Variants in DYM observed in about 807,000 individuals in gnomAD.
DYM encodes dymeclin, also known as dyggve-Melchior-Clausen syndrome protein.
A neutral mutation model predicts 93.1 loss-of-function variants in DYM; 78 were observed. The ratio of observed to expected loss-of-function variants is 0.84; its 90% CI spans 0.70 to 1.01. DYM has a LOEUF of 1.01. Among genes scored for constraint, DYM ranks in the 50% least tolerant of loss-of-function variants. The pLI, the probability that DYM is intolerant of heterozygous loss-of-function variation, is 0.00. For missense variants in DYM, 789 were observed against 845.0 expected (o/e 0.93, Z 0.82); for synonymous variants, 321 against 319.7 (o/e 1.00, Z -0.04).
chr18:49,157,997 TG>T (rs2086643930), intron 15 of DYM, among the ~76,000 whole-genome samples: 1 of 152,246 alleles, frequency 6.6e-6, no homozygotes, highest in African/African-American at 2.4e-5. Context: ...GACACTGTGC[TG>T]GATACAAACA....
At chr18:49,119,216 T>C (rs2082165125) in intron 15 of DYM, among the ~76,000 whole-genome samples, 1 of 152,358 alleles carries the variant, frequency 6.6e-6, no homozygotes, top group Non-Finnish European at 1.5e-5. Context: ...CAGCTCCTCA[T>C]TTAATAGATC....
At chr18:49,354,276 T>C (rs2065359128) in intron 6 of DYM, among the ~76,000 whole-genome samples, 1 of 152,082 alleles carries the variant, frequency 6.6e-6, no homozygotes, top group Non-Finnish European at 1.5e-5. Flanking sequence ...AACGATAAAA[T>C]AGGAGAAAAT....
At chr18:49,294,880 A>G (rs2060423227) in intron 8 of DYM, among the ~76,000 whole-genome samples, 2 of 152,210 alleles carry the variant, frequency 1.3e-5, no homozygotes. Flanking sequence ...ATACTGATAC[A>G]AACCATATAC....
rs568947154 is a variant in DYM at position 49,083,572 on chromosome 18, G to T, written c.2025+13830C>A. The stretch of plus-strand genomic sequence containing the variant: ...TACTCTAGTTTCTGAAAGAGTCTGT[G>T]TAGGATTCACATTATTTCTTTGCAA... On this transcript the variant is annotated intron_variant, in intron 17 of 17. Transcript: ENST00000675505. 6.6e-5 allele frequency among the ~76,000 whole-genome samples: 10 copies of T among 152,300 alleles called. No homozygotes were observed. The Middle Eastern group carries it at 0.01, about 155-fold the overall frequency.
rs966592639 is a variant in DYM at position 49,363,083 on chromosome 18, C to T, written c.494+78G>A. Reference sequence around the variant, plus strand: ...CATATAAGTTCTATACAAGGACCCACAAACTTCTCAACATGATCAATGATT... The same window carrying T: ...CATATAAGTTCTATACAAGGACCCATAAACTTCTCAACATGATCAATGATT... On this transcript the variant is annotated intron_variant, in intron 6 of 17. Coordinates refer to ENST00000675505, the MANE Select transcript of DYM (RefSeq NM_001353214.3). The T allele has an allele frequency of 4.9e-6, 6 of 1,224,604 alleles. No individual in the cohort carries two copies. The African/African-American group carries it at 8.9e-5, about 18-fold the overall frequency. The allele number at this position is 1,224,604 out of a possible 1,614,324, so 75.9% of individuals were successfully genotyped here.
intron 1 of DYM, among the ~76,000 whole-genome samples, chr18:49,458,926 C>A (rs1223263177): frequency 6.6e-6 from 1 of 152,132 alleles, no homozygotes; most frequent in African/African-American, 2.4e-5. Flanking sequence ...CTATGATTTG[C>A]TTTAAAATAA....
At chr18:49,224,114 A>G (rs963180865) in intron 13 of DYM, among the ~76,000 whole-genome samples, 1 of 152,086 alleles carries the variant, frequency 6.6e-6, no homozygotes, top group African/African-American at 2.4e-5. Context: ...GGTTGCTGAC[A>G]AGACTTGGTA....
intron 1 of DYM, among the ~76,000 whole-genome samples, chr18:49,435,423 TAAA>T (rs58887917): frequency 0.021 from 2,670 of 124,738 alleles, 25 homozygotes; most frequent in South Asian, 0.055. Flanking sequence ...ACTAAAACAG[TAAA>T]AAAAAAAAAA....
chr18:49,419,433 C>A (rs2073381843), intron 2 of DYM, among the ~76,000 whole-genome samples: 1 of 151,654 alleles, frequency 6.6e-6, no homozygotes, highest in African/African-American at 2.4e-5. Context: ...ACTATAAAGC[C>A]ATAATAACTT....
In DYM at chr18:49,243,689, G is replaced by GA. The variant is rs567960298; in HGVS notation, c.1460+13320dup. ...CTCAAAAAAAAAAAAAAAGAAAAAA[G>GA]AAAAAAAAAATCATTGCTAGAACCA... On this transcript the variant is annotated intron_variant, in intron 13 of 17. Transcript: ENST00000675505. Among the ~76,000 whole-genome samples, 203 of 141,206 alleles carry GA rather than the reference G, an allele frequency of 1.4e-3. 1 individual carries two copies. Among genetic ancestry groups the GA allele is most frequent in the South Asian group, 4.8e-3 (21 of 4,410 alleles). 92.6% of individuals were successfully genotyped at this position (141,206 alleles called of 152,430 possible). A position where few individuals can be genotyped will look rare whatever the true frequency, so the allele number is the denominator to read the frequency against.
At chr18:49,417,560 C>G (rs905933638) in intron 2 of DYM, among the ~76,000 whole-genome samples, 1 of 151,248 alleles carries the variant, frequency 6.6e-6, no homozygotes, top group East Asian at 2.0e-4. Context: ...TATGCCCCCC[C>G]ATTAAAAAGA....
At chr18:49,286,971 C>A (rs1568174661) in intron 8 of DYM, among the ~76,000 whole-genome samples, 1 of 152,062 alleles carries the variant, frequency 6.6e-6, no homozygotes, top group Non-Finnish European at 1.5e-5. Context: ...GGCAGGTGGA[C>A]CAAGAGGTCA....
At position 49,378,663 on chromosome 18, in the gene DYM, TAAAC is replaced by T; in HGVS notation, c.321_324del (p.Phe108LeufsTer6). 1 of 1,613,340 alleles carries T rather than the reference TAAAC, an allele frequency of 6.2e-7. No individual in the cohort carries two copies. Among genetic ancestry groups the T allele is most frequent in the Non-Finnish European group, 8.5e-7 (1 of 1,179,550 alleles). On this transcript the variant is annotated frameshift_variant, in exon 5 of 18. Coordinates refer to ENST00000675505, the MANE Select transcript of DYM (RefSeq NM_001353214.3). LOFTEE classifies it high-confidence loss of function. The stretch of plus-strand genomic sequence containing the variant: ...AACACTTTCAGCAAACAGCAAATAA[TAAAC>T]AAAGCATTGTGTGTCTGCCAAATGA...
chr18:49,096,790 T>C (rs2042996854), intron 17 of DYM, among the ~76,000 whole-genome samples: 1 of 152,182 alleles, frequency 6.6e-6, no homozygotes, highest in African/African-American at 2.4e-5. Flanking sequence ...TGCATCTCTT[T>C]CCACTATTAC....
At chr18:49,288,985 A>G (rs2059847169) in intron 8 of DYM, among the ~76,000 whole-genome samples, 1 of 152,210 alleles carries the variant, frequency 6.6e-6, no homozygotes, top group Non-Finnish European at 1.5e-5. Flanking sequence ...CCATTCACAT[A>G]GTACAATTTG....
At chr18:49,231,112 T>C (rs1473006029) in intron 13 of DYM, among the ~76,000 whole-genome samples, 1 of 152,238 alleles carries the variant, frequency 6.6e-6, no homozygotes, top group East Asian at 1.9e-4. Flanking sequence ...TCAAAGAACC[T>C]TAAGATCAAC....
At chr18:49,070,150 T>C (rs1169734968) in intron 17 of DYM, among the ~76,000 whole-genome samples, 1 of 152,238 alleles carries the variant, frequency 6.6e-6, no homozygotes, top group Non-Finnish European at 1.5e-5. Flanking sequence ...GCCATCCATT[T>C]TGATTGTTCA....
intron 16 of DYM, among the ~76,000 whole-genome samples, chr18:49,098,987 G>A (rs1474152079): frequency 6.6e-6 from 1 of 152,140 alleles, no homozygotes; most frequent in African/African-American, 2.4e-5. Context: ...TCTGAGAAAA[G>A]AATTGGTTAA....
At chr18:49,339,460 C>A (rs1450115903) in intron 6 of DYM, among the ~76,000 whole-genome samples, 1 of 152,188 alleles carries the variant, frequency 6.6e-6, no homozygotes, top group Non-Finnish European at 1.5e-5. Flanking sequence ...GCCCCTCTTG[C>A]TCTTCCATTT....
Sources: allele counts gnomAD v4.1 joint callset (sites outside exome capture counted in the v4.1 genomes callset), GRCh38; gene constraint gnomAD v4.1.1; transcripts MANE v1.5; gene names NCBI Gene and HGNC (gene_info 2026-07-23, HGNC 2026-07-21).